The following ITPK1 variants were observed in gnomAD, a reference collection of about 807,000 sequenced individuals.
ITPK1 encodes inositol-tetrakisphosphate 1-kinase, also known as inositol 1,3,4-trisphosphate 5/6-kinase.
In ITPK1, 21 loss-of-function variants were observed where a neutral mutation model predicts 45.3. That is an observed-to-expected ratio of 0.46 (90% CI 0.33 to 0.67). The LOEUF (loss-of-function observed/expected upper bound fraction) is 0.67. ITPK1 is among the 30% of genes least tolerant of loss of function. ITPK1 has a pLI of 0.02. For synonymous variants in ITPK1, 258 were observed against 253.6 expected, an observed-to-expected ratio of 1.02 and a Z score of -0.16; for missense variants, 474 against 573.5, an observed-to-expected ratio of 0.83 and a Z score of 1.77.
chr14:93,000,627 C>T (rs971680674), intron 4 of ITPK1, among the ~76,000 whole-genome samples: 3 of 152,188 alleles, frequency 2.0e-5, no homozygotes, highest in Non-Finnish European at 4.4e-5. Flanking sequence ...TGTGACTGAA[C>T]TGTTGTGCAT....
intron 2 of ITPK1, among the ~76,000 whole-genome samples, chr14:93,095,778 G>T (rs192283586): frequency 1.3e-3 from 202 of 151,386 alleles, no homozygotes; most frequent in African/African-American, 4.3e-3. Context: ...CCCCAGTGTT[G>T]ACTCTTCCCA....
intron 2 of ITPK1, among the ~76,000 whole-genome samples, chr14:93,113,618 T>C (rs368123529): frequency 6.6e-6 from 1 of 152,290 alleles, no homozygotes; most frequent in African/African-American, 2.4e-5. Flanking sequence ...AGTGAGTGTA[T>C]CCGCGGTACA....
chr14:92,950,396 C>T (rs1180068265), intron 9 of ITPK1, among the ~76,000 whole-genome samples: 1 of 152,246 alleles, frequency 6.6e-6, no homozygotes, highest in African/African-American at 2.4e-5. Context: ...CCAGGAGGGG[C>T]TGATGTCCCA....
chr14:92,952,175 G>A (rs909452463), intron 8 of ITPK1, among the ~76,000 whole-genome samples, 162 bp from the exon 9 acceptor site: 5 of 152,208 alleles, frequency 3.3e-5, no homozygotes, highest in African/African-American at 1.2e-4. Flanking sequence ...CCCTGGGCAC[G>A]GATGTGTGCC....
chr14:92,953,343 G>A (rs539029933), intron 8 of ITPK1, among the ~76,000 whole-genome samples: 1 of 152,358 alleles, frequency 6.6e-6, no homozygotes, highest in Admixed American at 6.5e-5. Context: ...CCAGACGGGG[G>A]CCATGAAATA....
At chr14:92,953,683 A>C (rs1888065536) in intron 8 of ITPK1, among the ~76,000 whole-genome samples, 1 of 152,144 alleles carries the variant, frequency 6.6e-6, no homozygotes. Context: ...CACAGCAAAG[A>C]TCAGGGAGGT....
intron 2 of ITPK1, 59 bp downstream of exon 2, chr14:93,115,010 C>T: frequency 1.0e-6 from 1 of 979,142 alleles, no homozygotes; most frequent in Non-Finnish European, 1.5e-6. Flanking sequence ...GGGCTCGGGC[C>T]GGGGGTCACC....
At position 93,076,599 on chromosome 14, in the gene ITPK1, A is replaced by C; in HGVS notation, c.116T>G (p.Val39Gly). The C allele has an allele frequency of 6.2e-7, 1 of 1,614,202 alleles. No homozygotes were observed. Among genetic ancestry groups the C allele is most frequent in the Non-Finnish European group, 8.5e-7 (1 of 1,180,018 alleles). ...ELCRKRGMEVVQLNLSRPIEE... is the reference protein window; with the variant it reads ...ELCRKRGMEVGQLNLSRPIEE... ...GGGGACGCGGTCTGTACTCACCTGC[A>C]CAACCTCCATCCCTCGCTTCCTGTG... The change falls in exon 3 of 11, where the codon GTG (valine) becomes GGG (glycine). Residue 39 changes from valine to glycine, a missense_variant. Val to Gly is a moderately radical substitution (Grantham distance 109). Around this residue, in one of 2 missense-constraint regions of ITPK1, gnomAD observed 367 missense variants for 480.6 expected, o/e 0.76. Coordinates refer to ENST00000267615, the MANE Select transcript of ITPK1 (RefSeq NM_014216.6). The surrounding 1 kb of genome is among the most constrained non-coding windows in gnomAD (Gnocchi z 4.3).
intron 3 of ITPK1, among the ~76,000 whole-genome samples, chr14:93,027,458 C>T (rs963716023): frequency 6.6e-6 from 1 of 152,104 alleles, no homozygotes; most frequent in Non-Finnish European, 1.5e-5. Flanking sequence ...TGAGGCAGAG[C>T]CAATTATTAT....
intron 3 of ITPK1, among the ~76,000 whole-genome samples, chr14:93,044,025 C>G (rs1258845615): frequency 6.6e-6 from 1 of 152,210 alleles, no homozygotes; most frequent in African/African-American, 2.4e-5. Context: ...TAGGCTCTAG[C>G]CTCCCTCCTC....
intron 5 of ITPK1, among the ~76,000 whole-genome samples, chr14:92,991,067 C>T (rs1886762595): frequency 1.3e-5 from 2 of 152,220 alleles, no homozygotes; most frequent in Admixed American, 6.5e-5. Context: ...TCACCAAGCT[C>T]CTTCTCCCAG....
At chr14:92,994,606 T>C (rs1229824200) in intron 4 of ITPK1, among the ~76,000 whole-genome samples, 1 of 152,176 alleles carries the variant, frequency 6.6e-6, no homozygotes, top group East Asian at 1.9e-4. Context: ...GACACTGCTG[T>C]CCAGAACAGA....
At chr14:92,964,407 G>T (rs914061209) in intron 5 of ITPK1, among the ~76,000 whole-genome samples, 3 of 152,156 alleles carry the variant, frequency 2.0e-5, no homozygotes, top group Non-Finnish European at 2.9e-5. Flanking sequence ...AAGTCAGGGT[G>T]GGGAGGGAGG....
At position 93,014,763 on chromosome 14, in the gene ITPK1, C is replaced by T. The variant is rs570935322; in HGVS notation, c.246+1913G>A. On this transcript the variant is annotated intron_variant, in intron 4 of 10. Transcript: ENST00000267615. This position sits in a 1 kb window ranked among gnomAD's most constrained non-coding sequence, Gnocchi z 4.4. ...TGCAGCTGCTTCTTCCTCCACAGGA[C>T]GGGAATCATTGAACCTTACAGCTCA... Among the ~76,000 whole-genome samples, 58 of 152,372 alleles carry T rather than the reference C, an allele frequency of 3.8e-4. No individual in the cohort carries two copies. Among genetic ancestry groups the T allele is most frequent in the South Asian group, 1.4e-3 (7 of 4,828 alleles).
intron 3 of ITPK1, among the ~76,000 whole-genome samples, chr14:93,028,483 T>C (rs113984580): frequency 8.1e-4 from 123 of 152,340 alleles, no homozygotes; most frequent in African/African-American, 2.8e-3. Context: ...AAGTCCCAGA[T>C]ACTGGAAGCA....
At chr14:92,944,506 G>A (rs879330224) in intron 10 of ITPK1, among the ~76,000 whole-genome samples, 8 of 151,268 alleles carry the variant, frequency 5.3e-5, no homozygotes, top group Non-Finnish European at 1.0e-4. Context: ...CATAGATCGC[G>A]ACCATCTACA....
intron 3 of ITPK1, among the ~76,000 whole-genome samples, chr14:93,026,155 T>C (rs1309541983): frequency 2.0e-5 from 3 of 152,200 alleles, no homozygotes; most frequent in South Asian, 2.1e-4. Context: ...GAATTACTTA[T>C]ATTTATGTAT....
At chr14:93,020,779 G>A (rs79467589) in intron 3 of ITPK1, among the ~76,000 whole-genome samples, 2,707 of 152,196 alleles carry the variant, frequency 0.018, 35 homozygotes, top group Middle Eastern at 0.041. Context: ...TGTGGCCACC[G>A]CCCTCTAGGA....
At position 92,937,325 on chromosome 14, in the gene ITPK1, T is replaced by C. The variant is rs972842688; in HGVS notation, c.*4236A>G. 4 of 152,200 alleles carry C rather than the reference T, an allele frequency of 2.6e-5. No individual in the cohort carries two copies. Among genetic ancestry groups the C allele is most frequent in the African/African-American group, 9.7e-5 (4 of 41,438 alleles). 9.4% of individuals were successfully genotyped at this position (152,200 alleles called of 1,614,324 possible). ...CCAGGTGTCGGCAGGAACAGCAACA[T>C]CCTGGTGAAATCCCTGTGAGTGGCT... On this transcript the variant is annotated 3_prime_UTR_variant, in exon 11 of 11. Transcript: ENST00000267615.
Sources: gnomAD v4.1 joint callset for allele counts (sites outside exome capture counted in the v4.1 genomes callset) on GRCh38, gnomAD v4.1.1 for gene constraint, gnomAD v4.1.1 regional missense constraint, Gnocchi (gnomAD v3.1) non-coding constraint, MANE v1.5 for transcripts, NCBI Gene and HGNC (gene_info 2026-07-23, HGNC 2026-07-21) for gene names.